BCKDHB: variants seen among roughly 807,000 people sequenced by gnomAD.
BCKDHB encodes branched chain keto acid dehydrogenase E1 subunit beta.
In BCKDHB, 41 loss-of-function variants were observed where a neutral mutation model predicts 48.5. The ratio of observed to expected loss-of-function variants is 0.85; its 90% CI spans 0.66 to 1.10. The LOEUF is 1.10. Among genes scored for constraint, BCKDHB ranks in the 50% least tolerant of loss-of-function variants. BCKDHB has a pLI of 0.00. For missense variants in BCKDHB, 496 were observed against 494.2 expected, an observed-to-expected ratio of 1.00 and a Z score of -0.03; for synonymous variants, 201 against 174.8, an observed-to-expected ratio of 1.15 and a Z score of -1.18.
At chr6:80,250,167 C>T (rs1198266576) in intron 8 of BCKDHB, among the ~76,000 whole-genome samples, 2 of 152,110 alleles carry the variant, frequency 1.3e-5, no homozygotes, top group African/African-American at 2.4e-5. Context: ...GCCACTGCCA[C>T]CACCTCACAG....
At chr6:80,446,940 C>A in the BCKDHB span, among the ~76,000 whole-genome samples, 1 of 151,680 alleles carries the variant, frequency 6.6e-6, no homozygotes, top group East Asian at 1.9e-4. Context: ...GTCAAGCTGA[C>A]CTTAGACATT....
At chr6:80,236,877 T>C (rs1166778181) in intron 8 of BCKDHB, among the ~76,000 whole-genome samples, 1 of 152,252 alleles carries the variant, frequency 6.6e-6, no homozygotes, top group Non-Finnish European at 1.5e-5. Flanking sequence ...TGCAGAGGAA[T>C]GTATAGTTTT....
chr6:80,118,277 C>T (rs890625129), intron 1 of BCKDHB, among the ~76,000 whole-genome samples: 1 of 152,108 alleles, frequency 6.6e-6, no homozygotes, highest in African/African-American at 2.4e-5. Context: ...GTATTGGTTT[C>T]CCAGTGCATA....
chr6:80,428,054 G>C, the BCKDHB span, among the ~76,000 whole-genome samples: 1 of 151,432 alleles, frequency 6.6e-6, no homozygotes, highest in Non-Finnish European at 1.5e-5. Flanking sequence ...CTCGGTGTGT[G>C]ATGTTCCCCT....
chr6:80,178,807 C>G (rs1773283080), intron 6 of BCKDHB, among the ~76,000 whole-genome samples: 1 of 152,178 alleles, frequency 6.6e-6, no homozygotes. Flanking sequence ...GAAACTTGCT[C>G]AAGCTCACAG....
chr6:80,309,578 G>T (rs1405795831), intron 9 of BCKDHB, among the ~76,000 whole-genome samples: 2 of 151,418 alleles, frequency 1.3e-5, no homozygotes, highest in Non-Finnish European at 2.9e-5. Flanking sequence ...TTGGCCTGTG[G>T]TTTTTTTTGT....
intron 8 of BCKDHB, among the ~76,000 whole-genome samples, chr6:80,226,115 A>C (rs1286032016): frequency 6.6e-6 from 1 of 152,164 alleles, no homozygotes; most frequent in Non-Finnish European, 1.5e-5. Flanking sequence ...TGGCAGTGAG[A>C]GTTTTGATGG....
At chr6:80,392,701 A>T in the BCKDHB span, among the ~76,000 whole-genome samples, 11 of 151,740 alleles carry the variant, frequency 7.2e-5, no homozygotes, top group South Asian at 2.3e-3. Flanking sequence ...TTTTTCTGTC[A>T]CCAAAACTGT....
intron 8 of BCKDHB, among the ~76,000 whole-genome samples, chr6:80,211,380 A>C (rs1470847194): frequency 6.6e-6 from 1 of 152,188 alleles, no homozygotes; most frequent in Admixed American, 6.5e-5. Flanking sequence ...CTTTGCCTAC[A>C]TAATATGTCC....
chr6:80,457,422 C>T, the BCKDHB span, among the ~76,000 whole-genome samples: 1 of 152,206 alleles, frequency 6.6e-6, no homozygotes, highest in African/African-American at 2.4e-5. Context: ...AACTCACCTC[C>T]TCTGCAAATC....
chr6:80,127,648 TGTG>T (rs1425805969), intron 2 of BCKDHB, 24 bp downstream of exon 2: 2 of 1,574,312 alleles, frequency 1.3e-6, no homozygotes, highest in Non-Finnish European at 1.7e-6. Context: ...GTGCCTGAAT[TGTG>T]GTAGCTGTGT....
At chr6:80,302,974 G>C (rs117369157) in intron 9 of BCKDHB, among the ~76,000 whole-genome samples, 3 of 152,090 alleles carry the variant, frequency 2.0e-5, no homozygotes. Flanking sequence ...GTTAGCTTAA[G>C]TGGGATAATG....
intron 6 of BCKDHB, among the ~76,000 whole-genome samples, chr6:80,182,752 A>C (rs1056798868): frequency 6.6e-6 from 1 of 152,120 alleles, no homozygotes; most frequent in Non-Finnish European, 1.5e-5. Flanking sequence ...TTGTTTTGTA[A>C]CTTGCTTTGC....
At chr6:80,218,518 A>G (rs1332132494) in intron 8 of BCKDHB, among the ~76,000 whole-genome samples, 1 of 152,162 alleles carries the variant, frequency 6.6e-6, no homozygotes, top group Non-Finnish European at 1.5e-5. Flanking sequence ...ATTCACCACT[A>G]TGACACATAA....
chr6:80,202,380 A>C (rs1024868607), intron 7 of BCKDHB, among the ~76,000 whole-genome samples: 2 of 152,084 alleles, frequency 1.3e-5, no homozygotes, highest in African/African-American at 4.8e-5. Context: ...CTATTTAAAG[A>C]TTCCTTTCTC....
chr6:80,297,193 TTCCA>T (rs1767301042), intron 9 of BCKDHB, among the ~76,000 whole-genome samples: 2 of 152,300 alleles, frequency 1.3e-5, no homozygotes, highest in East Asian at 3.9e-4. Context: ...TTGAACAGTT[TTCCA>T]AAGTCAAAGA....
the BCKDHB span, among the ~76,000 whole-genome samples, chr6:80,410,701 A>G: frequency 1.3e-5 from 2 of 152,096 alleles, no homozygotes; most frequent in African/African-American, 2.4e-5. Context: ...TTGATCTTCA[A>G]TCACTGATAT....
chr6:80,155,222 A>G (rs1159934829), intron 3 of BCKDHB, among the ~76,000 whole-genome samples: 1 of 152,118 alleles, frequency 6.6e-6, no homozygotes, highest in African/African-American at 2.4e-5. Context: ...TCTTATTTGC[A>G]TAGGTTTTTG....
intron 6 of BCKDHB, among the ~76,000 whole-genome samples, chr6:80,175,880 T>G (rs895620092): frequency 3.3e-5 from 5 of 152,196 alleles, no homozygotes; most frequent in Non-Finnish European, 5.9e-5. Flanking sequence ...CTTCTGTGTT[T>G]GATGCTATAA....
Sources: allele counts gnomAD v4.1 joint callset (sites outside exome capture counted in the v4.1 genomes callset), GRCh38; gene constraint gnomAD v4.1.1; transcripts MANE v1.5; gene names NCBI Gene and HGNC (gene_info 2026-07-23, HGNC 2026-07-21).